Variants in SH3GL1 observed in about 807,000 individuals in gnomAD.
The protein encoded by SH3GL1 is SH3 domain containing GRB2 like 1, endophilin A2.
Under a neutral mutation model 48.8 loss-of-function variants are expected in SH3GL1, and 21 were observed. The ratio of observed to expected loss-of-function variants is 0.43; its 90% CI spans 0.30 to 0.62. SH3GL1 has a LOEUF of 0.62. Ranked by LOEUF, SH3GL1 falls within the 20% of genes least tolerant of loss-of-function variation. The pLI is 0.11. For synonymous variants in SH3GL1, 282 were observed against 217.5 expected, an observed-to-expected ratio of 1.30 and a Z score of -2.61; for missense variants, 454 against 503.0, an observed-to-expected ratio of 0.90 and a Z score of 0.93.
At chr19:4,361,963 G>A (rs1409758728) in intron 9 of SH3GL1, among the ~76,000 whole-genome samples, 167 bp from the exon 10 acceptor site, 1 of 148,870 alleles carries the variant, frequency 6.7e-6, no homozygotes, top group African/African-American at 2.5e-5. Flanking sequence ...GGCCTCTACT[G>A]CCACCCAGGA....
At chr19:4,387,184 C>A (rs1973251774) in intron 1 of SH3GL1, among the ~76,000 whole-genome samples, 1 of 152,240 alleles carries the variant, frequency 6.6e-6, no homozygotes, top group Admixed American at 6.5e-5. Context: ...GATCTGCCCG[C>A]CTCGCCCTCC....
intron 1 of SH3GL1, among the ~76,000 whole-genome samples, chr19:4,395,325 A>G (rs1330439921): frequency 2.0e-5 from 3 of 152,202 alleles, no homozygotes; most frequent in Non-Finnish European, 4.4e-5. Context: ...GAAGAACCTA[A>G]GTGGATAGTG....
intron 1 of SH3GL1, among the ~76,000 whole-genome samples, chr19:4,392,518 TCACACACACACACACACACA>T (rs60108906): frequency 0.049 from 6,723 of 137,748 alleles, 339 homozygotes; most frequent in African/African-American, 0.13. Flanking sequence ...CAAGACTCCG[TCACACACACACACACACACA>T]CACACACACA....
chr19:4,365,706 TCCCCAC>T (rs1972762571), intron 3 of SH3GL1, 81 bp from the exon 4 acceptor site: 1 of 1,581,522 alleles, frequency 6.3e-7, no homozygotes, highest in African/African-American at 1.3e-5. Context: ...CCACATCTCC[TCCCCAC>T]CCTTGCTTCC....
chr19:4,388,071 G>A (rs537238144), intron 1 of SH3GL1, among the ~76,000 whole-genome samples: 1 of 152,076 alleles, frequency 6.6e-6, no homozygotes, highest in African/African-American at 2.4e-5. Flanking sequence ...ATGTTGGCCA[G>A]TCTAGTCTCA....
intron 1 of SH3GL1, among the ~76,000 whole-genome samples, chr19:4,397,839 G>A (rs1973452062): frequency 1.3e-5 from 2 of 152,126 alleles, no homozygotes; most frequent in African/African-American, 4.8e-5. Flanking sequence ...AACCACTAGG[G>A]TTGTTACTTT....
At chr19:4,380,599 G>C (rs946535513) in intron 1 of SH3GL1, among the ~76,000 whole-genome samples, 4 of 152,150 alleles carry the variant, frequency 2.6e-5, no homozygotes, top group African/African-American at 9.7e-5. Context: ...TCCAGCTCTT[G>C]GACTGGAAAA....
intron 1 of SH3GL1, among the ~76,000 whole-genome samples, chr19:4,374,132 G>C (rs761035949): frequency 2.0e-4 from 31 of 152,234 alleles, no homozygotes; most frequent in Admixed American, 3.9e-4. Context: ...ACTTAGGCAA[G>C]AGAAATCCTC....
chr19:4,377,093 C>G (rs1264279317), intron 1 of SH3GL1, among the ~76,000 whole-genome samples: 5 of 152,216 alleles, frequency 3.3e-5, no homozygotes, highest in Admixed American at 1.3e-4. Flanking sequence ...GGAGCTGGCT[C>G]CCTCCCCAGA....
chr19:4,393,520 C>A (rs1051811265), intron 1 of SH3GL1, among the ~76,000 whole-genome samples: 1 of 152,034 alleles, frequency 6.6e-6, no homozygotes, highest in Non-Finnish European at 1.5e-5. Flanking sequence ...AGGCGAGGCA[C>A]AGTGGCTCAC....
chr19:4,361,795 C>T lies in SH3GL1; in HGVS notation c.912G>A (p.Pro304=), dbSNP rs976125279. The T allele has an allele frequency of 3.1e-5, 49 of 1,605,010 alleles. No individual in the cohort carries two copies. The highest frequency in any genetic ancestry group is 2.0e-4 in the South Asian group (18 of 91,008). Residue 304 remains proline, a splice_region_variant and synonymous_variant, in exon 10 of 10, where the codon CCG becomes CCA. Transcript: ENST00000269886. ...CCTTGCAGCTCGGCTGGTCCAGGGG[C>T]GCTGGGGGCGGGAGCGGGCTGTGGG... The part of the protein sequence containing the change: ...KPIRTPSRSM[P]PLDQPSCKAL...
chr19:4,400,182 T>C lies in SH3GL1; in HGVS notation c.45+142A>G, dbSNP rs1288088755. 2.2e-6 allele frequency: 2 copies of C among 893,012 alleles called. No individual in the cohort carries two copies. The highest frequency in any genetic ancestry group is 3.2e-6 in the Non-Finnish European group (2 of 616,482). The allele number at this position is 893,012 out of a possible 1,614,324, so 55.3% of individuals were successfully genotyped here. Reference sequence around the variant, plus strand: ...CACCTCGTCGCCCCCGTCCGTCCCTTGGTCTTCCCACCTGGCAGGGGACAC... The same window carrying C: ...CACCTCGTCGCCCCCGTCCGTCCCTCGGTCTTCCCACCTGGCAGGGGACAC... On this transcript the variant is annotated intron_variant, in intron 1 of 9. Transcript: ENST00000269886. The surrounding 1 kb of genome is among the most constrained non-coding windows in gnomAD (Gnocchi z 4.1).
At chr19:4,365,920 G>A (rs534235403) in intron 3 of SH3GL1, among the ~76,000 whole-genome samples, 5 of 152,316 alleles carry the variant, frequency 3.3e-5, no homozygotes, top group East Asian at 1.9e-4. Context: ...TGCCAGGGAG[G>A]AGGCGCAGCA....
Position 4,370,242 on chromosome 19 carries a change from T to C in SH3GL1, c.46-3248A>G, listed in dbSNP as rs371430168. ...GACCCTACCGGTGGGGAGGGAGGACTGAGGCCATGGTCCCAGCAGTCCATT... is the reference window on the plus strand; with the variant it reads ...GACCCTACCGGTGGGGAGGGAGGACCGAGGCCATGGTCCCAGCAGTCCATT... On this transcript the variant is annotated intron_variant, in intron 1 of 9. Coordinates refer to ENST00000269886, the MANE Select transcript of SH3GL1 (RefSeq NM_003025.4). Among the ~76,000 whole-genome samples, 34 of 152,298 alleles carry C rather than the reference T, an allele frequency of 2.2e-4. No individual in the cohort carries two copies. In the South Asian group the frequency reaches 5.4e-3, roughly 24 times the overall value.
At chr19:4,375,646 G>C (rs141569002) in intron 1 of SH3GL1, among the ~76,000 whole-genome samples, 3 of 152,236 alleles carry the variant, frequency 2.0e-5, no homozygotes, top group Non-Finnish European at 4.4e-5. Context: ...GCTCCAGCCC[G>C]AGCGAACACA....
At chr19:4,366,185 C>T (rs137975354) in intron 3 of SH3GL1, among the ~76,000 whole-genome samples, 29 of 152,258 alleles carry the variant, frequency 1.9e-4, no homozygotes, top group African/African-American at 6.0e-4. Context: ...TGGGGAGGGG[C>T]GGCCAATACA....
intron 1 of SH3GL1, among the ~76,000 whole-genome samples, chr19:4,398,741 T>C (rs549805114): frequency 7.9e-5 from 12 of 152,248 alleles, no homozygotes; most frequent in African/African-American, 2.9e-4. Context: ...TTCTGGAGAG[T>C]GGATCCACAG....
intron 1 of SH3GL1, among the ~76,000 whole-genome samples, chr19:4,382,653 T>A (rs1599611635): frequency 3.9e-5 from 6 of 152,262 alleles, no homozygotes; most frequent in African/African-American, 1.4e-4. Flanking sequence ...CTTTGTCCCA[T>A]CTGCAAAGTC....
rs767494738 is a variant in SH3GL1, at chr19:4,361,761, C to T, written c.946G>A (p.Asp316Asn). 6.8e-6 allele frequency: 11 copies of T among 1,611,520 alleles called. No homozygotes were observed. Among genetic ancestry groups the T allele is most frequent in the South Asian group, 2.2e-5 (2 of 91,066 alleles). ...TCCCCGTCGTTCTCGGGCTCGAAGT[C>T]GTACAGCGCCTTGCAGCTCGGCTGG... ...LDQPSCKALYDFEPENDGELG... is the reference protein window; with the variant it reads ...LDQPSCKALYNFEPENDGELG... Residue 316 changes from aspartate (D) to asparagine (N), a missense_variant, in exon 10 of 10, where the codon GAC becomes AAC. Asp to Asn is a conservative substitution (Grantham distance 23). Around this residue, in one of 2 missense-constraint regions of SH3GL1, gnomAD observed 278 missense variants for 246.8 expected, o/e 1.13. Transcript: ENST00000269886.
Sources: gnomAD v4.1 joint callset for allele counts (sites outside exome capture counted in the v4.1 genomes callset) on GRCh38, gnomAD v4.1.1 for gene constraint, gnomAD v4.1.1 regional missense constraint, Gnocchi (gnomAD v3.1) non-coding constraint, MANE v1.5 for transcripts, NCBI Gene and HGNC (gene_info 2026-07-23, HGNC 2026-07-21) for gene names.